LIPE: variants seen among roughly 807,000 people sequenced by gnomAD.
LIPE encodes the protein hormone-sensitive lipase.
In LIPE, 66 loss-of-function variants were observed where a neutral mutation model predicts 88.5. The ratio of observed to expected loss-of-function variants is 0.75; its 90% CI spans 0.61 to 0.91. The LOEUF (loss-of-function observed/expected upper bound fraction) is 0.91, where lower values mean the gene tolerates loss of function less well. LIPE is among the 40% of genes least tolerant of loss of function. The pLI is 0.00. For synonymous variants in LIPE, 570 were observed against 617.5 expected (o/e 0.92, Z 1.14); for missense variants, 1,346 against 1,434.7 (o/e 0.94, Z 1.00).
At position 42,407,514 on chromosome 19, in the gene LIPE, C is replaced by A; in HGVS notation, c.1843-46G>T. On this transcript the variant is annotated intron_variant, in intron 5 of 9. Coordinates refer to ENST00000244289, the MANE Select transcript of LIPE (RefSeq NM_005357.4). This position sits in a 1 kb window ranked among gnomAD's most constrained non-coding sequence, Gnocchi z 5.8. ...GGTGTGTGAGGTTGGGGAGAGCTGG[C>A]CAGGGCTGCACCCCTCCATGGGGAT... 1.3e-6 allele frequency: 2 copies of A among 1,587,510 alleles called. No homozygotes were observed. Among genetic ancestry groups the A allele is most frequent in the Non-Finnish European group, 1.7e-6 (2 of 1,163,550 alleles).
At chr19:42,412,956 G>A (rs1004987782) in intron 1 of LIPE, among the ~76,000 whole-genome samples, 1 of 152,210 alleles carries the variant, frequency 6.6e-6, no homozygotes, top group African/African-American at 2.4e-5. Context: ...GCTGCCTGTC[G>A]GTCCTACTGG....
At chr19:42,422,278 G>C (rs2040612858) in intron 1 of LIPE, among the ~76,000 whole-genome samples, 1 of 152,222 alleles carries the variant, frequency 6.6e-6, no homozygotes, top group Admixed American at 6.5e-5. Context: ...TTAGAGCTCA[G>C]AAAGCTGAGG....
intron 1 of LIPE, chr19:42,424,527 C>T (rs1156935486): frequency 2.2e-6 from 1 of 456,248 alleles, no homozygotes; most frequent in African/African-American, 2.0e-5. Flanking sequence ...GCCTCAATCC[C>T]TGCCTTTGCC....
chr19:42,425,973 T>G (rs1028378081), intron 1 of LIPE, among the ~76,000 whole-genome samples: 2 of 152,056 alleles, frequency 1.3e-5, no homozygotes, highest in African/African-American at 4.8e-5. Flanking sequence ...GGCTAATTTT[T>G]GTATTTTTAG....
chr19:42,405,654 C>T (rs1251883795), intron 7 of LIPE, 93 bp from the exon 8 acceptor site: 5 of 1,235,574 alleles, frequency 4.0e-6, no homozygotes, highest in South Asian at 1.4e-5. Flanking sequence ...CCCAGGGACC[C>T]GAGAATATCC....
At position 42,408,196 on chromosome 19, in the gene LIPE, A is replaced by G; in HGVS notation, c.1510+36T>C. 2 of 1,613,640 alleles carry G rather than the reference A, an allele frequency of 1.2e-6. No homozygotes were observed. The highest frequency in any genetic ancestry group is 1.7e-6 in the Non-Finnish European group (2 of 1,179,686). On this transcript the variant is annotated intron_variant, in intron 3 of 9. Transcript: ENST00000244289. This position sits in a 1 kb window ranked among gnomAD's most constrained non-coding sequence, Gnocchi z 4.3. ...GGCAGGAGTGGGGAGGAGGGCCAAG[A>G]GAGTAGGCTGCGAGTAGAACCTGGC...
intron 7 of LIPE, 169 bp downstream of exon 7, chr19:42,405,974 TCTCACACACACACACACA>T (rs2040162725): frequency 4.2e-6 from 2 of 481,796 alleles, no homozygotes; most frequent in Non-Finnish European, 3.6e-6. Flanking sequence ...TCTCTCTCTC[TCTCACACACACACACACA>T]CACACACACA....
At chr19:42,424,621 G>A (rs908028551) in intron 1 of LIPE, 1 of 456,328 alleles carries the variant, frequency 2.2e-6, no homozygotes, top group Non-Finnish European at 4.4e-6. Flanking sequence ...AGCTGTGGGA[G>A]AGACAAGACA....
At chr19:42,409,400 CAAAAAAAA>C (rs760628566) in intron 2 of LIPE, among the ~76,000 whole-genome samples, 2 of 72,902 alleles carry the variant, frequency 2.7e-5, no homozygotes, top group East Asian at 4.0e-4. Context: ...AAACAAAATA[CAAAAAAAA>C]AAAAAAAAAA....
rs1351171684 is a variant in LIPE at position 42,408,884 on chromosome 19, G to A, written c.1420-562C>T. Among the ~76,000 whole-genome samples the A allele has an allele frequency of 6.6e-6, 1 of 152,088 alleles. No individual in the cohort carries two copies. Among genetic ancestry groups the A allele is most frequent in the East Asian group, 1.9e-4 (1 of 5,184 alleles). On this transcript the variant is annotated intron_variant, in intron 2 of 9. Coordinates refer to ENST00000244289, the MANE Select transcript of LIPE (RefSeq NM_005357.4). The surrounding 1 kb of genome is among the most constrained non-coding windows in gnomAD (Gnocchi z 4.3). ...TGACCTGGGTAGCGACAGTCAGGGG[G>A]CCAGTGTGGCTGGAGCAGAGTGAGC...
chr19:42,417,176 T>C (rs2040505050), intron 1 of LIPE, among the ~76,000 whole-genome samples: 1 of 152,210 alleles, frequency 6.6e-6, no homozygotes, highest in South Asian at 2.1e-4. Context: ...TGCCTCGGCC[T>C]CCCAAAATGC....
intron 8 of LIPE, among the ~76,000 whole-genome samples, chr19:42,404,998 G>A (rs1237922315): frequency 1.3e-5 from 2 of 152,156 alleles, no homozygotes; most frequent in Non-Finnish European, 2.9e-5. Context: ...AGCCTCTCTG[G>A]TAGCTGGGAC....
chr19:42,422,142 C>A (rs1410919679), intron 1 of LIPE, among the ~76,000 whole-genome samples: 1 of 152,204 alleles, frequency 6.6e-6, no homozygotes, highest in East Asian at 1.9e-4. Flanking sequence ...GGATGTTCAC[C>A]GTCCGGTGGG....
rs2040180815 is a variant in LIPE at position 42,406,282 on chromosome 19, G to A, written c.2244C>T (p.Gly748=). The part of the protein sequence containing the change: ...AAAYGVRVPD[G]IMAAYPATML... Reference sequence around the variant, plus strand: ...TTGTGGCCGGGTAGGCTGCCATGATGCCATCTGGCACCCGCACCCCGTAGG... The same window carrying A: ...TTGTGGCCGGGTAGGCTGCCATGATACCATCTGGCACCCGCACCCCGTAGG... The change falls in exon 7 of 10, where the codon GGC becomes GGT. Residue 748 remains glycine, a synonymous_variant. Coordinates refer to ENST00000244289, the MANE Select transcript of LIPE (RefSeq NM_005357.4). This position sits in a 1 kb window ranked among gnomAD's most constrained non-coding sequence, Gnocchi z 5.7. The A allele has an allele frequency of 1.9e-6, 3 of 1,614,032 alleles. No individual in the cohort carries two copies. Among genetic ancestry groups the A allele is most frequent in the African/African-American group, 1.3e-5 (1 of 75,050 alleles).
chr19:42,418,424 C>T (rs753859698), intron 1 of LIPE, among the ~76,000 whole-genome samples: 22 of 152,222 alleles, frequency 1.4e-4, no homozygotes, highest in Non-Finnish European at 2.6e-4. Context: ...CCACTTTCTA[C>T]AACCACCACC....
chr19:42,401,658 G>T lies in LIPE; in HGVS notation c.*154C>A. 1 of 590,664 alleles carries T rather than the reference G, an allele frequency of 1.7e-6. No homozygotes were observed. Among genetic ancestry groups the T allele is most frequent in the Non-Finnish European group, 2.8e-6 (1 of 357,778 alleles). 36.6% of individuals were successfully genotyped at this position (590,664 alleles called of 1,614,324 possible). On this transcript the variant is annotated 3_prime_UTR_variant, in exon 10 of 10. Coordinates refer to ENST00000244289, the MANE Select transcript of LIPE (RefSeq NM_005357.4). ...CCGTCTCGGTGACCGGTGTGTGTGC[G>T]CGTCCCCCTCCCCGTGGCGAGGGTC...
chr19:42,404,675 T>C (rs1013271260), intron 8 of LIPE, among the ~76,000 whole-genome samples: 16 of 152,304 alleles, frequency 1.1e-4, no homozygotes, highest in African/African-American at 3.6e-4. Flanking sequence ...TACTTGTCTT[T>C]ATAAATCTAC....
chr19:42,405,234 A>G lies in LIPE; in HGVS notation c.2542+151T>C. 3 of 701,010 alleles carry G rather than the reference A, an allele frequency of 4.3e-6. No homozygotes were observed. In the South Asian group the frequency reaches 5.8e-5, roughly 13 times the overall value. 43.4% of individuals were successfully genotyped at this position (701,010 alleles called of 1,614,324 possible). A position where few individuals can be genotyped will look rare whatever the true frequency, so the allele number is the denominator to read the frequency against. On this transcript the variant is annotated intron_variant, in intron 8 of 9. Coordinates refer to ENST00000244289, the MANE Select transcript of LIPE (RefSeq NM_005357.4). ...TGACCAGGCTGATCTTGAACCCCTG[A>G]CCTCAAGTGATCTGCCCACCTCAGC...
Position 42,410,432 on chromosome 19 carries a change from G to A in LIPE, c.1294C>T (p.Leu432=). ...LRALVYYAQR[L]LVTNRPGVLF... Reference sequence around the variant, plus strand: ...ACCCCCGGCCGATTGGTAACCAGCAGGCGCTGGGCGTAGTAGACCAGAGCG... The same window carrying A: ...ACCCCCGGCCGATTGGTAACCAGCAAGCGCTGGGCGTAGTAGACCAGAGCG... Residue 432 remains leucine, a synonymous_variant, in exon 2 of 10, where the codon CTG becomes TTG. Transcript: ENST00000244289. The surrounding 1 kb of genome is among the most constrained non-coding windows in gnomAD (Gnocchi z 6.1). The A allele has an allele frequency of 6.2e-7, 1 of 1,614,188 alleles. No individual in the cohort carries two copies. Among genetic ancestry groups the A allele is most frequent in the Non-Finnish European group, 8.5e-7 (1 of 1,180,034 alleles).
Sources: allele counts gnomAD v4.1 joint callset (sites outside exome capture counted in the v4.1 genomes callset), GRCh38; gene constraint gnomAD v4.1.1; non-coding constraint Gnocchi (gnomAD v3.1); transcripts MANE v1.5; gene names NCBI Gene and HGNC (gene_info 2026-07-23, HGNC 2026-07-21).